The following VSTM2B variants were observed in gnomAD, a reference collection of about 807,000 sequenced individuals.
VSTM2B encodes the protein V-set and transmembrane domain containing 2B.
Under a neutral mutation model 24.0 loss-of-function variants are expected in VSTM2B, and 24 were observed. The ratio of observed to expected loss-of-function variants is 1.00; its 90% CI spans 0.72 to 1.40. The LOEUF (loss-of-function observed/expected upper bound fraction) is 1.40. Ranked by LOEUF, VSTM2B falls within the 40% of genes most tolerant of loss-of-function variation. VSTM2B has a pLI of 0.00. For missense variants in VSTM2B, 399 were observed against 416.4 expected, an observed-to-expected ratio of 0.96 and a Z score of 0.36; for synonymous variants, 226 against 194.4, an observed-to-expected ratio of 1.16 and a Z score of -1.35.
At chr19:29,547,183 AT>A (rs1371851554) in intron 4 of VSTM2B, among the ~76,000 whole-genome samples, 1 of 152,196 alleles carries the variant, frequency 6.6e-6, no homozygotes, top group African/African-American at 2.4e-5. Flanking sequence ...GAATGTAAGT[AT>A]GTTCCATGCA....
intron 4 of VSTM2B, among the ~76,000 whole-genome samples, chr19:29,545,057 C>A (rs764612244): frequency 6.6e-6 from 1 of 152,236 alleles, no homozygotes; most frequent in East Asian, 1.9e-4. Flanking sequence ...ATGGAACTTG[C>A]CTTGGAGCCT....
intron 4 of VSTM2B, among the ~76,000 whole-genome samples, chr19:29,559,729 C>G (rs1040749485): frequency 1.3e-5 from 2 of 152,120 alleles, no homozygotes; most frequent in African/African-American, 2.4e-5. Flanking sequence ...TTCTCCAGCC[C>G]TTTTAAAGAA....
At chr19:29,538,339 A>G (rs1289828437) in intron 4 of VSTM2B, among the ~76,000 whole-genome samples, 5 of 152,186 alleles carry the variant, frequency 3.3e-5, no homozygotes, top group Non-Finnish European at 7.3e-5. Flanking sequence ...ATCCGTGGAA[A>G]GATGTTAGCT....
chr19:29,539,086 C>A (rs1969965783), intron 4 of VSTM2B, among the ~76,000 whole-genome samples: 1 of 152,090 alleles, frequency 6.6e-6, no homozygotes, highest in Non-Finnish European at 1.5e-5. Flanking sequence ...GGGGATGGTG[C>A]CACATCCCCA....
chr19:29,530,336 G>C lies in VSTM2B; in HGVS notation c.769+46G>C, dbSNP rs971853366. 4 of 1,433,708 alleles carry C rather than the reference G, an allele frequency of 2.8e-6. No individual in the cohort carries two copies. In the South Asian group the frequency reaches 5.6e-5, roughly 20 times the overall value. 88.8% of individuals were successfully genotyped at this position (1,433,708 alleles called of 1,614,324 possible). A position where few individuals can be genotyped will look rare whatever the true frequency, so the allele number is the denominator to read the frequency against. On this transcript the variant is annotated intron_variant, in intron 4 of 4. Coordinates refer to ENST00000335523, the MANE Select transcript of VSTM2B (RefSeq NM_001146339.2). ...GGCGCACGCGCGGGGATGGCGCAGG[G>C]CTAGGGCTGCGCCGGGACGCCCCGG...
intron 4 of VSTM2B, among the ~76,000 whole-genome samples, chr19:29,558,087 G>A (rs191346910): frequency 1.0e-3 from 155 of 151,812 alleles, no homozygotes; most frequent in African/African-American, 3.5e-3. Context: ...CAACAAACAT[G>A]TATATATATG....
intron 4 of VSTM2B, among the ~76,000 whole-genome samples, chr19:29,542,348 C>T (rs1048124849): frequency 7.2e-6 from 1 of 139,542 alleles, no homozygotes; most frequent in South Asian, 2.4e-4. Flanking sequence ...GATGGGAGAA[C>T]GAATGGGTGG....
chr19:29,547,752 T>C (rs1970185840), intron 4 of VSTM2B, among the ~76,000 whole-genome samples: 1 of 152,042 alleles, frequency 6.6e-6, no homozygotes, highest in Non-Finnish European at 1.5e-5. Flanking sequence ...GTTTGGGTGC[T>C]CAGGGAGGGC....
chr19:29,531,581 A>T (rs1026005186), intron 4 of VSTM2B, among the ~76,000 whole-genome samples: 1 of 151,932 alleles, frequency 6.6e-6, no homozygotes, highest in Non-Finnish European at 1.5e-5. Flanking sequence ...ATTTAGCTCT[A>T]CCCACTGTAG....
intron 4 of VSTM2B, among the ~76,000 whole-genome samples, chr19:29,552,693 G>T (rs1411244277): frequency 6.6e-6 from 1 of 152,198 alleles, no homozygotes; most frequent in African/African-American, 2.4e-5. Flanking sequence ...CACTGAGGCT[G>T]CCTGCTGCCT....
Position 29,528,459 on chromosome 19 carries a change from CAGCGTA to C in VSTM2B, c.297_297+5del. The C allele has an allele frequency of 1.3e-6, 2 of 1,551,074 alleles. No homozygotes were observed. The highest frequency in any genetic ancestry group is 1.7e-6 in the Non-Finnish European group (2 of 1,146,964). On this transcript the variant is annotated splice_donor_variant and splice_donor_region_variant and coding_sequence_variant and intron_variant, in exon 3 of 5. Coordinates refer to ENST00000335523, the MANE Select transcript of VSTM2B (RefSeq NM_001146339.2). LOFTEE classifies it high-confidence loss of function. ...TAACAAATAAGGATGCAACTAAAAT[CAGCGTA>C]AGTGTGGAGCCCAGCGCGGGCCGCG... is the stretch of plus-strand genomic sequence containing the variant.
chr19:29,547,617 G>A (rs1277148271), intron 4 of VSTM2B, among the ~76,000 whole-genome samples: 1 of 152,128 alleles, frequency 6.6e-6, no homozygotes, highest in Non-Finnish European at 1.5e-5. Flanking sequence ...CTGACGCATG[G>A]GCTTCCTCCA....
intron 4 of VSTM2B, among the ~76,000 whole-genome samples, chr19:29,557,940 AATCT>A (rs1970447825): frequency 6.6e-6 from 1 of 152,188 alleles, no homozygotes; most frequent in African/African-American, 2.4e-5. Context: ...AAAATTTTGC[AATCT>A]ATCCATCTGA....
rs142999251 is a variant in VSTM2B, at chr19:29,556,379, A to G, written c.770-7467A>G. On this transcript the variant is annotated intron_variant, in intron 4 of 4. Transcript: ENST00000335523. The stretch of plus-strand genomic sequence containing the variant: ...TCAATTAACTAGGTATTGATGGAAC[A>G]TACCTCAAAATAATGAAAGCCGTTT... 6.7e-3 allele frequency among the ~76,000 whole-genome samples: 1,028 copies of G among 152,324 alleles called. 8 individuals are homozygous for G. The highest frequency in any genetic ancestry group is 0.02 in the Middle Eastern group (6 of 294).
intron 4 of VSTM2B, among the ~76,000 whole-genome samples, chr19:29,542,117 G>T (rs978104982): frequency 2.0e-5 from 3 of 151,206 alleles, no homozygotes; most frequent in Non-Finnish European, 4.4e-5. Flanking sequence ...AGAATGAATG[G>T]GTGGGCAGAA....
Position 29,563,993 on chromosome 19 carries a change from T to TGAG in VSTM2B, c.*62_*64dup. On this transcript the variant is annotated 3_prime_UTR_variant, in exon 5 of 5. Transcript: ENST00000335523. ...CACATGACCTGCCCGGGGCCCTCGG[T>TGAG]GAGGACCATGTCGCTGGATGGACAC... is the stretch of plus-strand genomic sequence containing the variant. The TGAG allele has an allele frequency of 2.2e-6, 3 of 1,363,826 alleles. No homozygotes were observed. The highest frequency in any genetic ancestry group is 3.1e-6 in the Non-Finnish European group (3 of 976,002). 84.5% of individuals were successfully genotyped at this position (1,363,826 alleles called of 1,614,324 possible).
intron 4 of VSTM2B, among the ~76,000 whole-genome samples, chr19:29,541,789 A>G (rs2145485877): frequency 6.6e-6 from 1 of 151,870 alleles, no homozygotes; most frequent in Middle Eastern, 3.4e-3. Flanking sequence ...GGAAGGAAGG[A>G]TAAATGAATG....
At chr19:29,544,584 T>G (rs913642024) in intron 4 of VSTM2B, among the ~76,000 whole-genome samples, 1 of 141,736 alleles carries the variant, frequency 7.1e-6, no homozygotes, top group Non-Finnish European at 1.5e-5. Flanking sequence ...GAATGAAAAG[T>G]TTTTAATGAG....
rs567037963 is a variant in VSTM2B, at chr19:29,526,828, G to T, written c.82+163G>T. On this transcript the variant is annotated intron_variant, in intron 1 of 4. Transcript: ENST00000335523. The surrounding 1 kb of genome is among the most constrained non-coding windows in gnomAD (Gnocchi z 4.1). ...GGGTAGGGAGAGGCGAGCGGCGAAG[G>T]GTCGCCGCAGCAGCAGCGCCGCGCC... The T allele has an allele frequency of 9.9e-6, 6 of 608,134 alleles. No homozygotes were observed. In the East Asian group the frequency reaches 1.4e-4, roughly 14 times the overall value. The allele number at this position is 608,134 out of a possible 1,614,324, so 37.7% of individuals were successfully genotyped here.
Sources: allele counts gnomAD v4.1 joint callset (sites outside exome capture counted in the v4.1 genomes callset), GRCh38; gene constraint gnomAD v4.1.1; non-coding constraint Gnocchi (gnomAD v3.1); transcripts MANE v1.5; gene names NCBI Gene and HGNC (gene_info 2026-07-23, HGNC 2026-07-21).